ABCG8: variants seen among roughly 807,000 people sequenced by gnomAD.
The protein encoded by ABCG8 is ATP-binding cassette sub-family G member 8.
Under a neutral mutation model 71.3 loss-of-function variants are expected in ABCG8, and 81 were observed. The observed-to-expected ratio is 1.14, with a 90% CI of 0.95 to 1.37. The LOEUF is 1.37. ABCG8 is among the 40% of genes most tolerant of loss of function. ABCG8 has a pLI of 0.00. For missense variants in ABCG8, 1,119 were observed against 866.2 expected (o/e 1.29, Z -3.66); for synonymous variants, 451 against 354.7 (o/e 1.27, Z -3.05).
intron 1 of ABCG8, among the ~76,000 whole-genome samples, chr2:43,842,854 G>C (rs566342814): frequency 6.6e-6 from 1 of 152,182 alleles, no homozygotes; most frequent in South Asian, 2.1e-4. Context: ...TTCGTCTGCT[G>C]TTTTTCATAC....
Position 43,846,292 on chromosome 2 carries a change from G to T in ABCG8, c.303G>T (p.Leu101=). Residue 101 remains leucine, a synonymous_variant, in exon 3 of 13, where the codon CTG becomes CTT. Coordinates refer to ENST00000272286, the MANE Select transcript of ABCG8 (RefSeq NM_022437.3). ...LSFKVRSGQM[L]AIIGSSGCGR... is the part of the protein sequence containing the mutation. ...TCAAAGTGAGAAGTGGGCAGATGCT[G>T]GCCATCATAGGGAGCTCAGGTACCG... 1.2e-6 allele frequency: 2 copies of T among 1,614,196 alleles called. No homozygotes were observed. The highest frequency in any genetic ancestry group is 1.7e-6 in the Non-Finnish European group (2 of 1,180,028).
chr2:43,874,120 A>G (rs1018117809), intron 9 of ABCG8, 134 bp downstream of exon 9: 1 of 1,020,560 alleles, frequency 9.8e-7, no homozygotes, highest in Non-Finnish European at 1.5e-6. Flanking sequence ...TAAAGTTTGC[A>G]TGTTAATATT....
chr2:43,846,066 C>T, intron 2 of ABCG8, 89 bp from the exon 3 acceptor site: 10 of 1,421,948 alleles, frequency 7.0e-6, no homozygotes, highest in Non-Finnish European at 9.9e-6. Flanking sequence ...GGAGAGGGGC[C>T]ACCTGGGGAA....
intron 11 of ABCG8, among the ~76,000 whole-genome samples, chr2:43,876,585 A>G (rs982789727): frequency 6.6e-6 from 1 of 151,530 alleles, no homozygotes; most frequent in Non-Finnish European, 1.5e-5. Flanking sequence ...AGACTATGGG[A>G]ATATGGGGAG....
intron 6 of ABCG8, among the ~76,000 whole-genome samples, chr2:43,863,812 GTCTGGATAGAATTCTCACTC>G (rs1669422509): frequency 6.8e-6 from 1 of 147,774 alleles, no homozygotes; most frequent in African/African-American, 2.5e-5. Flanking sequence ...CTCACTACCT[GTCTGGATAGAATTCTCACTC>G]TCTGGATAGA....
chr2:43,858,106 CTATT>C (rs1486292935), intron 6 of ABCG8, among the ~76,000 whole-genome samples: 11 of 151,604 alleles, frequency 7.3e-5, no homozygotes, highest in Admixed American at 6.6e-4. Flanking sequence ...GGAACTCTCA[CTATT>C]TATCTGGATA....
intron 8 of ABCG8, among the ~76,000 whole-genome samples, chr2:43,873,206 T>A (rs1219038132): frequency 2.0e-5 from 3 of 148,216 alleles, no homozygotes; most frequent in South Asian, 4.3e-4. Flanking sequence ...TTTTTTTTTT[T>A]AACACAGAGT....
chr2:43,866,616 C>T (rs1669540642), intron 6 of ABCG8, among the ~76,000 whole-genome samples: 1 of 152,096 alleles, frequency 6.6e-6, no homozygotes. Context: ...CACTGGCCAT[C>T]AGAGAAATGC....
intron 3 of ABCG8, among the ~76,000 whole-genome samples, chr2:43,850,146 C>T (rs901473079): frequency 6.6e-6 from 1 of 151,982 alleles, no homozygotes; most frequent in Non-Finnish European, 1.5e-5. Flanking sequence ...ATCTCTTGAA[C>T]CTGGATGGTA....
At chr2:43,871,470 A>G (rs1391945003) in intron 6 of ABCG8, among the ~76,000 whole-genome samples, 2 of 151,910 alleles carry the variant, frequency 1.3e-5, no homozygotes, top group Admixed American at 6.5e-5. Context: ...AACTCTCGCT[A>G]TCTGGATAGA....
chr2:43,867,525 T>C (rs1386180452), intron 6 of ABCG8, among the ~76,000 whole-genome samples: 1 of 151,296 alleles, frequency 6.6e-6, no homozygotes. Context: ...CTGGATAGAA[T>C]TGTCACCATC....
chr2:43,866,549 A>G (rs1669538213), intron 6 of ABCG8, among the ~76,000 whole-genome samples: 1 of 152,146 alleles, frequency 6.6e-6, no homozygotes, highest in Admixed American at 6.6e-5. Flanking sequence ...ATGAATAGAC[A>G]CTTCTCAAAA....
intron 6 of ABCG8, among the ~76,000 whole-genome samples, chr2:43,871,502 C>T (rs1386485679): frequency 2.0e-5 from 3 of 152,232 alleles, no homozygotes; most frequent in Admixed American, 6.5e-5. Flanking sequence ...CTGGATGGAA[C>T]GCTCACTATC....
At chr2:43,867,805 A>G (rs1669585417) in intron 6 of ABCG8, among the ~76,000 whole-genome samples, 1 of 150,834 alleles carries the variant, frequency 6.6e-6, no homozygotes. Context: ...AACTGTCACT[A>G]TCTGGATAGA....
intron 6 of ABCG8, among the ~76,000 whole-genome samples, chr2:43,866,799 G>A (rs866900921): frequency 5.3e-5 from 8 of 150,788 alleles, no homozygotes; most frequent in Non-Finnish European, 7.4e-5. Flanking sequence ...GATTCCTCAG[G>A]GATCTAGAAC....
chr2:43,849,379 G>C (rs1461538666), intron 3 of ABCG8, among the ~76,000 whole-genome samples: 1 of 152,210 alleles, frequency 6.6e-6, no homozygotes, highest in Non-Finnish European at 1.5e-5. Flanking sequence ...TGGCAGGAGA[G>C]AAGAATGAGG....
Position 43,852,739 on chromosome 2 carries a change from C to G in ABCG8, c.835C>G (p.Leu279Val). 6.2e-7 allele frequency: 1 copy of G among 1,614,178 alleles called. No homozygotes were observed. Among genetic ancestry groups the G allele is most frequent in the Non-Finnish European group, 8.5e-7 (1 of 1,180,038 alleles). ...CCAGCCTCGCTCTGACATCTTCAGGCTGTTTGATCTGGTCCTCCTGATGAC... is the reference window on the plus strand; with the variant it reads ...CCAGCCTCGCTCTGACATCTTCAGGGTGTTTGATCTGGTCCTCCTGATGAC... ...LHQPRSDIFR[L>V]FDLVLLMTSG... The change falls in exon 6 of 13, where the codon CTG becomes GTG. Residue 279 changes from leucine to valine, a missense_variant. Coordinates refer to ENST00000272286, the MANE Select transcript of ABCG8 (RefSeq NM_022437.3).
Position 43,872,101 on chromosome 2 carries a change from G to T in ABCG8, c.1090G>T (p.Glu364Ter). 1 of 1,614,152 alleles carries T rather than the reference G, an allele frequency of 6.2e-7. No homozygotes were observed. The highest frequency in any genetic ancestry group is 8.5e-7 in the Non-Finnish European group (1 of 1,180,046). Residue 364 changes from glutamate to a stop codon, truncating the protein, a stop_gained, in exon 7 of 13, where the codon GAG becomes TAG. Coordinates refer to ENST00000272286, the MANE Select transcript of ABCG8 (RefSeq NM_022437.3). LOFTEE classifies it high-confidence loss of function. ...CTTAGATGACTTTCTATGGAAAGCA[G>T]AGACGAAGGATCTTGACGAGGACAC... Reference protein sequence around the residue: ...RDLDDFLWKAETKDLDEDTCV... With the variant: ...RDLDDFLWKA
rs80354052 is a variant in ABCG8 at position 43,876,482 on chromosome 2, A to G, written c.1756+1069A>G. Among the ~76,000 whole-genome samples, 92 of 151,672 alleles carry G rather than the reference A, an allele frequency of 6.1e-4. No individual in the cohort carries two copies. In the East Asian group the frequency reaches 0.016, roughly 27 times the overall value. On this transcript the variant is annotated intron_variant, in intron 11 of 12. Coordinates refer to ENST00000272286, the MANE Select transcript of ABCG8 (RefSeq NM_022437.3). ...AAGGAGATCATGGGAATACGGGGAG[A>G]CCATGAGAATAGGAGGAGACCGTGG...
Sources: allele counts gnomAD v4.1 joint callset (sites outside exome capture counted in the v4.1 genomes callset), GRCh38; gene constraint gnomAD v4.1.1; transcripts MANE v1.5; gene names NCBI Gene and HGNC (gene_info 2026-07-23, HGNC 2026-07-21).